ME1: variants seen among roughly 807,000 people sequenced by gnomAD.
ME1 encodes NADP-dependent malic enzyme.
In ME1, 74 loss-of-function variants were observed where a neutral mutation model predicts 66.4. The observed-to-expected ratio is 1.11, with a 90% CI of 0.92 to 1.35. ME1 has a LOEUF of 1.35. Ranked by LOEUF, ME1 falls within the 40% of genes most tolerant of loss-of-function variation. ME1 has a pLI of 0.00. For missense variants in ME1, 750 were observed against 694.1 expected, an observed-to-expected ratio of 1.08 and a Z score of -0.90; for synonymous variants, 251 against 235.6, an observed-to-expected ratio of 1.07 and a Z score of -0.60.
intron 6 of ME1, among the ~76,000 whole-genome samples, chr6:83,279,917 T>G (rs1767258033): frequency 6.6e-6 from 1 of 152,166 alleles, no homozygotes; most frequent in Admixed American, 6.5e-5. Context: ...GAATAAGGAT[T>G]ACATGAAACT....
intron 6 of ME1, among the ~76,000 whole-genome samples, chr6:83,303,564 T>G (rs561415006): frequency 6.6e-6 from 1 of 152,300 alleles, no homozygotes; most frequent in East Asian, 1.9e-4. Flanking sequence ...CAATGTTGAA[T>G]GAGAAGTTTA....
chr6:83,330,546 T>G (rs1468623864), intron 5 of ME1, among the ~76,000 whole-genome samples: 1 of 152,224 alleles, frequency 6.6e-6, no homozygotes, highest in Non-Finnish European at 1.5e-5. Flanking sequence ...TCTGAAGTGG[T>G]GAGAACTTGT....
At chr6:83,410,851 A>C (rs1230473177) in intron 1 of ME1, among the ~76,000 whole-genome samples, 4 of 152,198 alleles carry the variant, frequency 2.6e-5, no homozygotes, top group Non-Finnish European at 5.9e-5. Context: ...TCTGAAACTG[A>C]TTCCTAAATC....
At chr6:83,295,781 A>G (rs1767586317) in intron 6 of ME1, among the ~76,000 whole-genome samples, 1 of 152,224 alleles carries the variant, frequency 6.6e-6, no homozygotes, top group South Asian at 2.1e-4. Context: ...CTAGATTAAT[A>G]AAGAAGAAAA....
intron 1 of ME1, among the ~76,000 whole-genome samples, chr6:83,410,042 C>T (rs531572520): frequency 1.1e-4 from 17 of 152,062 alleles, no homozygotes; most frequent in African/African-American, 3.6e-4. Flanking sequence ...AGGAGACATC[C>T]GTGGTATCGC....
intron 3 of ME1, chr6:83,393,434 G>A (rs76664499): frequency 1.5e-5 from 9 of 602,986 alleles, no homozygotes; most frequent in Middle Eastern, 4.8e-4. Context: ...CAGCCCCAGC[G>A]ACAGCACGAC....
intron 6 of ME1, among the ~76,000 whole-genome samples, chr6:83,310,901 C>T (rs983603303): frequency 6.6e-6 from 1 of 152,108 alleles, no homozygotes; most frequent in African/African-American, 2.4e-5. Context: ...TTCAAGCTCC[C>T]AAACTCAAGG....
chr6:83,236,438 C>T (rs1243478352), intron 9 of ME1, among the ~76,000 whole-genome samples: 1 of 152,170 alleles, frequency 6.6e-6, no homozygotes, highest in Non-Finnish European at 1.5e-5. Flanking sequence ...TACTTCTATA[C>T]TAAATTCCGG....
rs148209977 is a variant in ME1 at position 83,213,167 on chromosome 6, G to A, written c.1549-1073C>T. Among the ~76,000 whole-genome samples the A allele has an allele frequency of 7.6e-3, 1,146 of 151,534 alleles. 18 individuals carry two copies. The highest frequency in any genetic ancestry group is 0.025 in the African/African-American group (1,050 of 41,330). ...CTGGCTGGCACAGTGGCTCATGCCTGTAATCCCAGCACTTTGGGAGGCCGA... is the reference window on the plus strand; with the variant it reads ...CTGGCTGGCACAGTGGCTCATGCCTATAATCCCAGCACTTTGGGAGGCCGA... On this transcript the variant is annotated intron_variant, in intron 13 of 13. Coordinates refer to ENST00000369705, the MANE Select transcript of ME1 (RefSeq NM_002395.6).
intron 6 of ME1, among the ~76,000 whole-genome samples, chr6:83,279,594 G>A (rs1466986867): frequency 2.0e-5 from 3 of 151,844 alleles, no homozygotes; most frequent in African/African-American, 7.3e-5. Context: ...AAACTGAAAT[G>A]CAAAGAGAAA....
chr6:83,408,934 T>C (rs184918676), intron 1 of ME1, among the ~76,000 whole-genome samples: 3 of 152,226 alleles, frequency 2.0e-5, no homozygotes, highest in East Asian at 1.9e-4. Context: ...AAAATTCACA[T>C]TGAAATCCTC....
At chr6:83,340,546 A>G (rs1015315946) in intron 5 of ME1, among the ~76,000 whole-genome samples, 2 of 152,226 alleles carry the variant, frequency 1.3e-5, no homozygotes, top group Non-Finnish European at 2.9e-5. Context: ...AGCATTCTAA[A>G]TGTATTAAAC....
intron 6 of ME1, among the ~76,000 whole-genome samples, chr6:83,284,460 C>T (rs1318497310): frequency 1.3e-5 from 2 of 152,052 alleles, no homozygotes; most frequent in Non-Finnish European, 2.9e-5. Context: ...AACTACAGGC[C>T]AATGCCACTG....
chr6:83,357,022 G>A (rs1313833710), intron 3 of ME1, among the ~76,000 whole-genome samples: 1 of 152,062 alleles, frequency 6.6e-6, no homozygotes, highest in African/African-American at 2.4e-5. Flanking sequence ...GTCTTTCCTT[G>A]ACTTTCAAGA....
chr6:83,239,776 T>C lies in ME1; in HGVS notation c.815-140A>G, dbSNP rs1583334663. The C allele has an allele frequency of 5.0e-6, 3 of 596,584 alleles. No individual in the cohort carries two copies. In the East Asian group the frequency reaches 8.3e-5, roughly 16 times the overall value. The allele number at this position is 596,584 out of a possible 1,614,324, so 37.0% of individuals were successfully genotyped here. A position where few individuals can be genotyped will look rare whatever the true frequency, so the allele number is the denominator to read the frequency against. ...ACCTGTGGTTGTCTTATCCCATGCTTGCATACGTGGTAAAATTCCCAGGCT... is the reference window on the plus strand; with the variant it reads ...ACCTGTGGTTGTCTTATCCCATGCTCGCATACGTGGTAAAATTCCCAGGCT... On this transcript the variant is annotated intron_variant, in intron 7 of 13. Transcript: ENST00000369705.
chr6:83,329,705 C>G (rs1404697887), intron 5 of ME1, among the ~76,000 whole-genome samples: 1 of 152,020 alleles, frequency 6.6e-6, no homozygotes, highest in Non-Finnish European at 1.5e-5. Flanking sequence ...GTTTATTGAC[C>G]ATTTTTATTT....
At chr6:83,381,327 C>A (rs551008313) in intron 3 of ME1, among the ~76,000 whole-genome samples, 1 of 151,614 alleles carries the variant, frequency 6.6e-6, no homozygotes, top group South Asian at 2.1e-4. Context: ...GAGTAAAGGA[C>A]AAGATAGTGA....
intron 3 of ME1, among the ~76,000 whole-genome samples, chr6:83,382,686 C>G (rs903433641): frequency 6.6e-6 from 1 of 151,954 alleles, no homozygotes; most frequent in Non-Finnish European, 1.5e-5. Flanking sequence ...AAAATCAGAA[C>G]ACATATTAAT....
intron 6 of ME1, among the ~76,000 whole-genome samples, chr6:83,291,056 G>T (rs1767492718): frequency 6.6e-6 from 1 of 152,110 alleles, no homozygotes; most frequent in Admixed American, 6.6e-5. Context: ...ATACCACTGA[G>T]TCTTGACTCT....
Sources: gnomAD v4.1 joint callset for allele counts (sites outside exome capture counted in the v4.1 genomes callset) on GRCh38, gnomAD v4.1.1 for gene constraint, MANE v1.5 for transcripts, NCBI Gene and HGNC (gene_info 2026-07-23, HGNC 2026-07-21) for gene names.